The following RALGPS2 variants were observed in gnomAD, a reference collection of about 807,000 sequenced individuals.
RALGPS2 encodes ras-specific guanine nucleotide-releasing factor RalGPS2.
In RALGPS2, 43 loss-of-function variants were observed where a neutral mutation model predicts 86.8. The ratio of observed to expected loss-of-function variants is 0.50; its 90% confidence interval spans 0.39 to 0.64. The LOEUF (loss-of-function observed/expected upper bound fraction) is 0.64, where lower values mean the gene tolerates loss of function less well. Ranked by LOEUF, RALGPS2 falls within the 30% of genes least tolerant of loss-of-function variation. The pLI is 0.00. For synonymous variants in RALGPS2, 243 were observed against 231.3 expected (o/e 1.05, Z -0.46); for missense variants, 536 against 694.6 (o/e 0.77, Z 2.57).
intron 16 of RALGPS2, 135 bp downstream of exon 16, chr1:178,894,159 C>T (rs955060534): frequency 3.6e-6 from 2 of 560,266 alleles, no homozygotes; most frequent in Non-Finnish European, 6.1e-6. Context: ...AAGGTCCTCC[C>T]CTCTTATCCT....
At chr1:178,864,892 T>C in intron 8 of RALGPS2, 1 of 1,147,450 alleles carries the variant, frequency 8.7e-7, no homozygotes, top group Non-Finnish European at 1.2e-6. Flanking sequence ...ATGAGCATTG[T>C]TTCATAAGGC....
At chr1:178,730,158 GAACTCCTGACCTC>G (rs1380084494) in intron 1 of RALGPS2, among the ~76,000 whole-genome samples, 1 of 151,974 alleles carries the variant, frequency 6.6e-6, no homozygotes, top group East Asian at 1.9e-4. Context: ...GCCAGGCTGT[GAACTCCTGACCTC>G]AAGTGATCCA....
At chr1:178,740,818 G>A (rs1239568012) in intron 1 of RALGPS2, among the ~76,000 whole-genome samples, 1 of 152,130 alleles carries the variant, frequency 6.6e-6, no homozygotes, top group Non-Finnish European at 1.5e-5. Context: ...AGGCTTTGGT[G>A]TCAGACATTT....
intron 1 of RALGPS2, among the ~76,000 whole-genome samples, chr1:178,765,185 TGCTCTGTC>T (rs1450397893): frequency 6.6e-6 from 1 of 151,902 alleles, no homozygotes; most frequent in African/African-American, 2.4e-5. Context: ...TACAGAGTCT[TGCTCTGTC>T]GCCCAGGCTG....
chr1:178,914,963 T>G (rs1660755310), intron 19 of RALGPS2, among the ~76,000 whole-genome samples: 1 of 152,126 alleles, frequency 6.6e-6, no homozygotes, highest in Non-Finnish European at 1.5e-5. Context: ...TTTTTCAATC[T>G]CAGATTCCAA....
chr1:178,732,171 A>C (rs1023174749), intron 1 of RALGPS2, among the ~76,000 whole-genome samples: 1 of 151,956 alleles, frequency 6.6e-6, no homozygotes, highest in Non-Finnish European at 1.5e-5. Context: ...AGAAGGAATA[A>C]TACATGACAT....
At chr1:178,741,386 T>A (rs1316579148) in intron 1 of RALGPS2, among the ~76,000 whole-genome samples, 1 of 152,196 alleles carries the variant, frequency 6.6e-6, no homozygotes, top group Non-Finnish European at 1.5e-5. Flanking sequence ...GTTACAGAGT[T>A]TTAATTTTTA....
intron 13 of RALGPS2, among the ~76,000 whole-genome samples, chr1:178,887,743 A>T (rs1476424533): frequency 1.3e-5 from 2 of 152,214 alleles, no homozygotes; most frequent in Non-Finnish European, 2.9e-5. Flanking sequence ...TTATATAAAA[A>T]TACAAGTGAT....
At chr1:178,869,929 AT>A (rs1382305084) in intron 8 of RALGPS2, among the ~76,000 whole-genome samples, 1 of 152,064 alleles carries the variant, frequency 6.6e-6, no homozygotes, top group African/African-American at 2.4e-5. Flanking sequence ...TAACAAAATT[AT>A]TTCTACCTAA....
chr1:178,893,505 A>G (rs1389949547), intron 15 of RALGPS2, among the ~76,000 whole-genome samples: 1 of 150,916 alleles, frequency 6.6e-6, no homozygotes, highest in Non-Finnish European at 1.5e-5. Flanking sequence ...ATATACTTAA[A>G]TACTTTTAAC....
chr1:178,732,636 A>G lies in RALGPS2; in HGVS notation c.-84+7217A>G, dbSNP rs546148849. ...TTAATAGGAGTACCTTTAATATTTCATCATTAATTATAATGCCTTACTATT... is the reference window on the plus strand; with the variant it reads ...TTAATAGGAGTACCTTTAATATTTCGTCATTAATTATAATGCCTTACTATT... On this transcript the variant is annotated intron_variant, in intron 1 of 19. Transcript: ENST00000367635. Among the ~76,000 whole-genome samples, 193 of 152,078 alleles carry G rather than the reference A, an allele frequency of 1.3e-3. 2 individuals are homozygous for G. Among genetic ancestry groups the G allele is most frequent in the African/African-American group, 4.3e-3 (178 of 41,478 alleles).
chr1:178,743,475 A>C (rs1210949465), intron 1 of RALGPS2, among the ~76,000 whole-genome samples: 1 of 152,224 alleles, frequency 6.6e-6, no homozygotes, highest in Non-Finnish European at 1.5e-5. Context: ...AATTACAGTA[A>C]AGGAAATGAT....
At chr1:178,894,507 A>G (rs1018962128) in intron 16 of RALGPS2, among the ~76,000 whole-genome samples, 2 of 152,196 alleles carry the variant, frequency 1.3e-5, no homozygotes, top group Non-Finnish European at 2.9e-5. Context: ...GGAGTGGGAC[A>G]CAAGGGTAGC....
At chr1:178,729,812 G>C (rs1035131794) in intron 1 of RALGPS2, among the ~76,000 whole-genome samples, 1 of 152,142 alleles carries the variant, frequency 6.6e-6, no homozygotes, top group East Asian at 1.9e-4. Context: ...TTAAAACTCC[G>C]GTCCTCTGCC....
intron 13 of RALGPS2, 26 bp downstream of exon 13, chr1:178,886,146 T>G (rs1440076267): frequency 6.3e-7 from 1 of 1,594,168 alleles, no homozygotes; most frequent in African/African-American, 1.4e-5. Context: ...CTGAGAGGGT[T>G]GCAATTTAAC....
intron 8 of RALGPS2, among the ~76,000 whole-genome samples, chr1:178,868,246 A>G (rs542127272): frequency 2.0e-5 from 3 of 151,952 alleles, no homozygotes; most frequent in Non-Finnish European, 4.4e-5. Flanking sequence ...TAAAACATTT[A>G]TTATATCTCC....
At chr1:178,838,401 T>C (rs1376772456) in intron 8 of RALGPS2, among the ~76,000 whole-genome samples, 2 of 152,146 alleles carry the variant, frequency 1.3e-5, no homozygotes, top group African/African-American at 2.4e-5. Flanking sequence ...GCTGCTGATA[T>C]CCCCACAAAC....
chr1:178,844,342 A>G (rs1234602920), intron 8 of RALGPS2, among the ~76,000 whole-genome samples: 1 of 152,236 alleles, frequency 6.6e-6, no homozygotes, highest in Non-Finnish European at 1.5e-5. Flanking sequence ...AATGAGAACC[A>G]AAACCTACCA....
At chr1:178,783,022 A>G (rs537383095) in intron 2 of RALGPS2, among the ~76,000 whole-genome samples, 1 of 152,256 alleles carries the variant, frequency 6.6e-6, no homozygotes, top group East Asian at 1.9e-4. Context: ...ACAGAACCAC[A>G]CTCATGAGGC....
Sources: allele counts gnomAD v4.1 joint callset (sites outside exome capture counted in the v4.1 genomes callset), GRCh38; gene constraint gnomAD v4.1.1; transcripts MANE v1.5; gene names NCBI Gene and HGNC (gene_info 2026-07-23, HGNC 2026-07-21).